CNTN3: variants seen among roughly 807,000 people sequenced by gnomAD.
CNTN3 encodes contactin-3.
Under a neutral mutation model 119.1 loss-of-function variants are expected in CNTN3, and 60 were observed. That is an observed-to-expected ratio of 0.50 (90% CI 0.41 to 0.62). CNTN3 has a LOEUF of 0.62. Ranked by LOEUF, CNTN3 falls within the 20% of genes least tolerant of loss-of-function variation. The pLI, the probability that CNTN3 is intolerant of heterozygous loss-of-function variation, is 0.00. For missense variants in CNTN3, 1,101 were observed against 1,242.4 expected, an observed-to-expected ratio of 0.89 and a Z score of 1.71; for synonymous variants, 450 against 438.7, an observed-to-expected ratio of 1.03 and a Z score of -0.32.
intron 20 of CNTN3, among the ~76,000 whole-genome samples, chr3:74,279,357 C>T (rs1215394665): frequency 6.6e-6 from 1 of 152,012 alleles, no homozygotes; most frequent in Non-Finnish European, 1.5e-5. Flanking sequence ...TGGAATCCAC[C>T]CAAATGTCCA....
chr3:74,560,538 C>T (rs1255503718), intron 1 of CNTN3, among the ~76,000 whole-genome samples: 1 of 152,144 alleles, frequency 6.6e-6, no homozygotes, highest in African/African-American at 2.4e-5. Context: ...TATCCATGCT[C>T]CTCTACCTCC....
chr3:74,356,774 C>A (rs148481062), intron 11 of CNTN3, among the ~76,000 whole-genome samples: 1 of 152,172 alleles, frequency 6.6e-6, no homozygotes, highest in Non-Finnish European at 1.5e-5. Context: ...GCTCTCCATA[C>A]TTGAAAGAAA....
intron 1 of CNTN3, among the ~76,000 whole-genome samples, chr3:74,586,163 T>C (rs554623909): frequency 6.6e-6 from 1 of 152,238 alleles, no homozygotes; most frequent in Admixed American, 6.5e-5. Context: ...GTAGGGCAAG[T>C]AGCCCCAGGC....
chr3:74,533,403 A>G (rs4677410), intron 1 of CNTN3, among the ~76,000 whole-genome samples: 150,569 of 152,072 alleles, frequency 0.99, 74,550 homozygotes, highest in Middle Eastern at 1. Context: ...TCAGAGGATC[A>G]CTTCACTCCC....
rs542971377 is a variant in CNTN3, at chr3:74,375,142, C to A, written c.455-3743G>T. Among the ~76,000 whole-genome samples the A allele has an allele frequency of 4.6e-5, 7 of 152,212 alleles. No homozygotes were observed. The South Asian group carries it at 1.0e-3, about 23-fold the overall frequency. On this transcript the variant is annotated intron_variant, in intron 5 of 22. Transcript: ENST00000263665. ...GAATAATCCAATGATCTTCCTCTAC[C>A]GATTCTCCCAAACACAACCCCAGAA...
At chr3:74,478,227 T>C (rs1354183532) in intron 4 of CNTN3, among the ~76,000 whole-genome samples, 1 of 152,122 alleles carries the variant, frequency 6.6e-6, no homozygotes, top group Non-Finnish European at 1.5e-5. Flanking sequence ...CGCAGAATCC[T>C]CAACGGCTTA....
chr3:74,371,815 G>C (rs1388075348), intron 5 of CNTN3, among the ~76,000 whole-genome samples: 1 of 152,026 alleles, frequency 6.6e-6, no homozygotes, highest in Non-Finnish European at 1.5e-5. Flanking sequence ...ACCTGAATAT[G>C]AGGCCCTTCA....
At chr3:74,320,742 A>T (rs1702967388) in intron 13 of CNTN3, among the ~76,000 whole-genome samples, 2 of 152,018 alleles carry the variant, frequency 1.3e-5, no homozygotes, top group Non-Finnish European at 2.9e-5. Flanking sequence ...CATGGTTAGA[A>T]CTCATGGTTA....
chr3:74,576,954 A>AC (rs771102578), intron 1 of CNTN3, among the ~76,000 whole-genome samples: 24 of 152,144 alleles, frequency 1.6e-4, no homozygotes, highest in Non-Finnish European at 3.4e-4. Flanking sequence ...TTAGTGAGCA[A>AC]CCTTGGCCTT....
intron 1 of CNTN3, among the ~76,000 whole-genome samples, chr3:74,589,090 G>T: frequency 6.6e-6 from 1 of 150,674 alleles, no homozygotes; most frequent in Non-Finnish European, 1.5e-5. Context: ...GGCAACAAAA[G>T]CCAAAATTGA....
intron 19 of CNTN3, among the ~76,000 whole-genome samples, chr3:74,294,813 T>C (rs1174807397): frequency 6.6e-6 from 1 of 152,200 alleles, no homozygotes; most frequent in Admixed American, 6.5e-5. Flanking sequence ...GAAAGTACTC[T>C]ATGAACTTGA....
At chr3:74,493,841 A>C (rs761420553) in intron 3 of CNTN3, among the ~76,000 whole-genome samples, 4 of 152,188 alleles carry the variant, frequency 2.6e-5, no homozygotes, top group Non-Finnish European at 5.9e-5. Flanking sequence ...TAAAGACCTA[A>C]ATGAGTTAAA....
At chr3:74,366,789 T>TATATAC (rs1553650603) in intron 8 of CNTN3, among the ~76,000 whole-genome samples, 1 of 127,580 alleles carries the variant, frequency 7.8e-6, no homozygotes, top group Non-Finnish European at 1.6e-5. Flanking sequence ...TGTATATATA[T>TATATAC]ATATATATAT....
chr3:74,419,936 A>G (rs1701590653), intron 5 of CNTN3, among the ~76,000 whole-genome samples: 1 of 152,212 alleles, frequency 6.6e-6, no homozygotes, highest in African/African-American at 2.4e-5. Flanking sequence ...GTGAATGGTA[A>G]TTAACACGAA....
At chr3:74,435,715 T>G (rs890024883) in intron 4 of CNTN3, among the ~76,000 whole-genome samples, 4 of 152,244 alleles carry the variant, frequency 2.6e-5, no homozygotes, top group Non-Finnish European at 5.9e-5. Flanking sequence ...TTTAAAAGTA[T>G]TAACTTTGCA....
chr3:74,315,224 G>T (rs970299823), intron 13 of CNTN3, among the ~76,000 whole-genome samples: 3 of 152,176 alleles, frequency 2.0e-5, no homozygotes, highest in African/African-American at 7.2e-5. Flanking sequence ...CTGAGGAGTT[G>T]CTGTCCCTTT....
chr3:74,536,591 C>T (rs910733748), intron 1 of CNTN3, among the ~76,000 whole-genome samples: 7 of 152,018 alleles, frequency 4.6e-5, no homozygotes, highest in South Asian at 2.1e-4. Context: ...TCTGCCTGGA[C>T]GAATACATTT....
Position 74,397,623 on chromosome 3 carries a change from T to A in CNTN3, c.455-26224A>T, listed in dbSNP as rs1325085304. 2.0e-5 allele frequency among the ~76,000 whole-genome samples: 3 copies of A among 152,006 alleles called. No homozygotes were observed. In the East Asian group the frequency reaches 5.8e-4, roughly 29 times the overall value. On this transcript the variant is annotated intron_variant, in intron 5 of 22. Transcript: ENST00000263665. ...CTACAATGGCCTCTAAGTGTTCAAGTGAAAGGAAGAATAAATTTGATTTTG... is the reference window on the plus strand; with the variant it reads ...CTACAATGGCCTCTAAGTGTTCAAGAGAAAGGAAGAATAAATTTGATTTTG...
intron 5 of CNTN3, 86 bp from the exon 6 acceptor site, chr3:74,371,485 A>C (rs1704338123): frequency 1.0e-6 from 1 of 961,170 alleles, no homozygotes; most frequent in East Asian, 2.5e-5. Flanking sequence ...ACAAACATCA[A>C]CTTTACTTCC....
Sources: gnomAD v4.1 joint callset for allele counts (sites outside exome capture counted in the v4.1 genomes callset) on GRCh38, gnomAD v4.1.1 for gene constraint, MANE v1.5 for transcripts, NCBI Gene and HGNC (gene_info 2026-07-23, HGNC 2026-07-21) for gene names.